Variants in DCTN4 observed in about 807,000 individuals in gnomAD.
DCTN4 encodes the protein dynactin subunit 4.
DCTN4 carries 23 observed loss-of-function variants against 62.7 expected under a neutral mutation model. The observed-to-expected ratio is 0.37, with a 90% CI of 0.26 to 0.52. The LOEUF is 0.52. DCTN4 is among the 20% of genes least tolerant of loss of function. The pLI is 0.92. For missense variants in DCTN4, 514 were observed against 580.4 expected (o/e 0.89, Z 1.18); for synonymous variants, 199 against 202.1 (o/e 0.98, Z 0.13).
At chr5:150,756,371 C>CAAT (rs1752863286) in intron 2 of DCTN4, 46 bp downstream of exon 2, 1 of 1,371,660 alleles carries the variant, frequency 7.3e-7, no homozygotes, top group African/African-American at 1.6e-5. Flanking sequence ...TTTTAGAGAA[C>CAAT]AGTCAAGGAA....
intron 3 of DCTN4, 143 bp downstream of exon 3, chr5:150,753,336 C>T: frequency 1.5e-6 from 1 of 647,488 alleles, no homozygotes; most frequent in Non-Finnish European, 2.6e-6. Flanking sequence ...CAAATGTGAA[C>T]ATATGGGAAC....
rs1342261592 is a variant in DCTN4, at chr5:150,731,095, C to T, written c.673G>A (p.Val225Met). The part of the protein sequence containing the change: ...KIEPAQAVDE[V>M]EPLPEDYYTR... ...TAATAGTCTTCAGGTAGAGGTTCCA[C>T]TTCATCCACAGCCTGAGCTGGCTCA... Residue 225 changes from valine (V) to methionine (M), a missense_variant, in exon 7 of 13, where the codon GTG (valine) becomes ATG (methionine). Coordinates refer to ENST00000447998, the MANE Select transcript of DCTN4 (RefSeq NM_016221.4). 39 of 1,613,144 alleles carry T rather than the reference C, an allele frequency of 2.4e-5. No homozygotes were observed. Among genetic ancestry groups the T allele is most frequent in the South Asian group, 2.4e-4 (22 of 91,070 alleles).
intron 4 of DCTN4, among the ~76,000 whole-genome samples, chr5:150,738,659 G>C (rs1332068614): frequency 6.6e-6 from 1 of 152,142 alleles, no homozygotes; most frequent in African/African-American, 2.4e-5. Context: ...ACATTATACT[G>C]AACAGGGAAA....
intron 5 of DCTN4, chr5:150,731,791 G>C (rs1443869786): frequency 5.3e-6 from 6 of 1,129,334 alleles, no homozygotes; most frequent in Admixed American, 2.0e-5. Flanking sequence ...GAACTATGTG[G>C]AGTGTCTAAG....
intron 11 of DCTN4, among the ~76,000 whole-genome samples, chr5:150,717,640 A>G (rs1026566831): frequency 2.0e-5 from 3 of 152,244 alleles, no homozygotes; most frequent in Non-Finnish European, 4.4e-5. Flanking sequence ...TATCATTTCT[A>G]AAAGGAAATG....
intron 4 of DCTN4, among the ~76,000 whole-genome samples, chr5:150,736,665 A>G (rs546987400): frequency 2.6e-5 from 4 of 152,304 alleles, no homozygotes; most frequent in African/African-American, 9.6e-5. Context: ...TCCTTAAAGC[A>G]TAAGTCTCAC....
intron 3 of DCTN4, among the ~76,000 whole-genome samples, chr5:150,744,608 A>G (rs1581595384): frequency 6.6e-6 from 1 of 152,138 alleles, no homozygotes; most frequent in Admixed American, 6.5e-5. Flanking sequence ...GAAACTCTAC[A>G]AGCCAGAAGA....
At position 150,724,470 on chromosome 5, in the gene DCTN4, G is replaced by A. The variant is rs908494947; in HGVS notation, c.835-1490C>T. Among the ~76,000 whole-genome samples the A allele has an allele frequency of 4.5e-4, 68 of 152,212 alleles. 1 individual carries two copies. The highest frequency in any genetic ancestry group is 1.6e-3 in the African/African-American group (66 of 41,534). On this transcript the variant is annotated intron_variant, in intron 8 of 12. Transcript: ENST00000447998. Reference sequence around the variant, plus strand: ...TTTTACTTTTAATGAAGTAAAATATGTAACTTTACATTACAGTTTGTGCTT... The same window carrying A: ...TTTTACTTTTAATGAAGTAAAATATATAACTTTACATTACAGTTTGTGCTT...
chr5:150,726,104 G>A (rs1760136393), intron 8 of DCTN4, among the ~76,000 whole-genome samples: 1 of 152,026 alleles, frequency 6.6e-6, no homozygotes, highest in African/African-American at 2.4e-5. Context: ...TCAAACCAAC[G>A]AGATGCAGGG....
chr5:150,735,019 C>T (rs540023722), intron 4 of DCTN4, among the ~76,000 whole-genome samples: 13 of 152,314 alleles, frequency 8.5e-5, no homozygotes, highest in African/African-American at 2.9e-4. Flanking sequence ...CAGATATGCC[C>T]CCACCTGATG....
chr5:150,739,983 T>C (rs1477978555), intron 4 of DCTN4, among the ~76,000 whole-genome samples: 1 of 152,086 alleles, frequency 6.6e-6, no homozygotes, highest in Non-Finnish European at 1.5e-5. Flanking sequence ...TTCTAGAAGA[T>C]AACATGAGAA....
Position 150,731,571 on chromosome 5 carries a change from A to G in DCTN4, c.538-82T>C, listed in dbSNP as rs1760372144. The G allele has an allele frequency of 3.6e-6, 4 of 1,099,454 alleles. No individual in the cohort carries two copies. In the South Asian group the frequency reaches 4.2e-5, roughly 11 times the overall value. The allele number at this position is 1,099,454 out of a possible 1,614,324, so 68.1% of individuals were successfully genotyped here. On this transcript the variant is annotated intron_variant, in intron 5 of 12. Coordinates refer to ENST00000447998, the MANE Select transcript of DCTN4 (RefSeq NM_016221.4). ...CAAAAGAAAGAATTTTGGGTAGGAT[A>G]GCATGAGAAGCTCAGGGAAATAAGC...
At chr5:150,741,616 G>A (rs888115448) in intron 4 of DCTN4, among the ~76,000 whole-genome samples, 19 of 152,136 alleles carry the variant, frequency 1.2e-4, no homozygotes, top group Admixed American at 1.0e-3. Flanking sequence ...GAGTTGCTGG[G>A]ACTATAGGCA....
intron 8 of DCTN4, among the ~76,000 whole-genome samples, chr5:150,729,292 A>G (rs553105414): frequency 6.6e-6 from 1 of 152,050 alleles, no homozygotes; most frequent in South Asian, 2.1e-4. Flanking sequence ...AAAATATAGA[A>G]TGGTATTACA....
chr5:150,758,697 G>C, intron 1 of DCTN4, 162 bp downstream of exon 1: 1 of 1,324,360 alleles, frequency 7.6e-7, no homozygotes, highest in African/African-American at 1.5e-5. Context: ...TCCTTTCCAA[G>C]TGACAGATTA....
At chr5:150,757,520 AAG>A (rs1233277026) in intron 1 of DCTN4, among the ~76,000 whole-genome samples, 1 of 152,144 alleles carries the variant, frequency 6.6e-6, no homozygotes, top group Non-Finnish European at 1.5e-5. Flanking sequence ...GTCCTAATTG[AAG>A]AGAGTCTTAG....
chr5:150,750,667 A>G (rs1752638882), intron 3 of DCTN4, among the ~76,000 whole-genome samples: 1 of 152,208 alleles, frequency 6.6e-6, no homozygotes, highest in South Asian at 2.1e-4. Context: ...GGATATATAC[A>G]GTATGTTTTC....
chr5:150,743,835 G>A (rs1156675067), intron 3 of DCTN4, among the ~76,000 whole-genome samples: 1 of 152,110 alleles, frequency 6.6e-6, no homozygotes, highest in Admixed American at 6.6e-5. Context: ...TCACAAAGAT[G>A]GGGAAAAAAC....
intron 4 of DCTN4, among the ~76,000 whole-genome samples, chr5:150,737,215 G>C (rs532368886): frequency 3.9e-5 from 6 of 152,270 alleles, no homozygotes; most frequent in African/African-American, 1.4e-4. Context: ...CATCAAGATA[G>C]ATGGTCAACA....
Sources: allele counts gnomAD v4.1 joint callset (sites outside exome capture counted in the v4.1 genomes callset), GRCh38; gene constraint gnomAD v4.1.1; transcripts MANE v1.5; gene names NCBI Gene and HGNC (gene_info 2026-07-23, HGNC 2026-07-21).